The following MEP1B variants were observed in gnomAD, a reference collection of about 807,000 sequenced individuals.
The protein encoded by MEP1B is N-benzoyl-L-tyrosyl-P-amino-benzoic acid hydrolase subunit beta.
In MEP1B, 80 loss-of-function variants were observed where a neutral mutation model predicts 84.6. The ratio of observed to expected loss-of-function variants is 0.95; its 90% CI spans 0.79 to 1.14. The LOEUF (loss-of-function observed/expected upper bound fraction) is 1.14. Ranked by LOEUF, MEP1B falls within the 50% of genes most tolerant of loss-of-function variation. The probability of loss-of-function intolerance (pLI) is 0.00; values close to 1 mark genes in which losing one functional copy is unlikely to be tolerated. For missense variants in MEP1B, 766 were observed against 855.1 expected (o/e 0.90, Z 1.30); for synonymous variants, 273 against 288.1 (o/e 0.95, Z 0.53).
At position 32,202,948 on chromosome 18, in the gene MEP1B, A is replaced by G. The variant is rs757998289; in HGVS notation, c.306A>G (p.Thr102=). The change falls in exon 6 of 15, where the codon ACA becomes ACG. Residue 102 remains threonine, a synonymous_variant. Coordinates refer to ENST00000269202, the MANE Select transcript of MEP1B (RefSeq NM_005925.3). ...LNAFERYRLK[T]CIDFKPWAGE... The stretch of plus-strand genomic sequence containing the variant: ...CATTTGAACGTTATCGCCTTAAAAC[A>G]TGTATTGACTTTAAGCCTTGGGCTG... 2.6e-5 allele frequency: 42 copies of G among 1,613,024 alleles called. No individual in the cohort carries two copies. Among genetic ancestry groups the G allele is most frequent in the Non-Finnish European group, 1.7e-6 (2 of 1,179,572 alleles).
chr18:32,215,990 ATATATATATATATATATATATATATAT>A, intron 12 of MEP1B, among the ~76,000 whole-genome samples: 1 of 12,806 alleles, frequency 7.8e-5, no homozygotes, highest in East Asian at 8.1e-3. Context: ...ATATATATAT[ATATATATATATATATATATATATATAT>A]ATCTTGACAG....
Position 32,213,570 on chromosome 18 carries a change from C to G in MEP1B, c.1579+11C>G, listed in dbSNP as rs763181685. 3.8e-6 allele frequency: 6 copies of G among 1,579,050 alleles called. No individual in the cohort carries two copies. In the East Asian group the frequency reaches 1.3e-4, roughly 35 times the overall value. ...CATTTATGACCACCGGTTCGTAACT[C>G]ATTTTCTTTATTGCTAATAAACAAT... On this transcript the variant is annotated intron_variant, in intron 11 of 14. Transcript: ENST00000269202.
In MEP1B at chr18:32,213,165, C is replaced by G. The variant is rs756443280; in HGVS notation, c.1185C>G (p.Thr395=). The G allele has an allele frequency of 3.1e-6, 5 of 1,613,730 alleles. No homozygotes were observed. The highest frequency in any genetic ancestry group is 1.7e-5 in the Admixed American group (1 of 59,996). The change falls in exon 11 of 15, where the codon ACC becomes ACG. Residue 395 remains threonine (T), a synonymous_variant. Coordinates refer to ENST00000269202, the MANE Select transcript of MEP1B (RefSeq NM_005925.3). ...WQLYHVTLKV[T]KKFRVVFEGR... is the part of the protein sequence containing the mutation. ...TTTATCATGTAACATTGAAAGTGAC[C>G]AAGAAGTTTAGAGTGGTGTTTGAAG...
chr18:32,202,938 G>A lies in MEP1B; in HGVS notation c.296G>A (p.Arg99His), dbSNP rs1231549986. 14 of 1,612,518 alleles carry A rather than the reference G, an allele frequency of 8.7e-6. No homozygotes were observed. The highest frequency in any genetic ancestry group is 4.0e-5 in the African/African-American group (3 of 74,864). The change falls in exon 6 of 15, where the codon CGC (arginine) becomes CAC (histidine). Residue 99 changes from arginine (R) to histidine (H), a missense_variant. Arg to His is a conservative substitution (Grantham distance 29, BLOSUM62 0). Transcript: ENST00000269202. Reference sequence around the variant, plus strand: ...ATCCTCAATGCATTTGAACGTTATCGCCTTAAAACATGTATTGACTTTAAG... The same window carrying A: ...ATCCTCAATGCATTTGAACGTTATCACCTTAAAACATGTATTGACTTTAAG... ...GVILNAFERY[R>H]LKTCIDFKPW... is the part of the protein sequence containing the mutation.
chr18:32,219,825 C>A (rs779969511), intron 14 of MEP1B, among the ~76,000 whole-genome samples: 1 of 152,038 alleles, frequency 6.6e-6, no homozygotes, highest in East Asian at 1.9e-4. Flanking sequence ...CACACACACA[C>A]ACACACTCCA....
At position 32,217,038 on chromosome 18, in the gene MEP1B, A is replaced by G; in HGVS notation, c.1807A>G (p.Ser603Gly). 3 of 1,613,764 alleles carry G rather than the reference A, an allele frequency of 1.9e-6. No homozygotes were observed. The highest frequency in any genetic ancestry group is 2.5e-6 in the Non-Finnish European group (3 of 1,179,680). The change falls in exon 13 of 15, where the codon AGT (serine) becomes GGT (glycine). Residue 603 changes from serine to glycine, a missense_variant. Physicochemically the swap from Ser to Gly is moderately conservative, Grantham distance 56. Transcript: ENST00000269202. ...ACAAATCCAGCTAACACCAGCCCCT[A>G]GTGTTCAAGACCTCTGCTCAAAAAC... ...STQIQLTPAP[S>G]VQDLCSKTTC...
chr18:32,213,947 G>C (rs371866520), intron 11 of MEP1B, among the ~76,000 whole-genome samples: 20 of 152,264 alleles, frequency 1.3e-4, no homozygotes, highest in African/African-American at 4.3e-4. Flanking sequence ...GTAAAGCCAG[G>C]GCTGTAGTAA....
chr18:32,198,534 G>GTGGCCTC (rs1370122741), intron 5 of MEP1B, among the ~76,000 whole-genome samples: 1 of 152,210 alleles, frequency 6.6e-6, no homozygotes, highest in Non-Finnish European at 1.5e-5. Flanking sequence ...GTGGGCTAGT[G>GTGGCCTC]TGGCCTCTGA....
intron 7 of MEP1B, among the ~76,000 whole-genome samples, chr18:32,206,131 G>C (rs9945892): frequency 0.13 from 19,138 of 151,790 alleles, 1,943 homozygotes; most frequent in African/African-American, 0.28. Context: ...ATAGGCGCCC[G>C]CCACCACACC....
At chr18:32,209,972 C>G (rs1379698590) in intron 9 of MEP1B, among the ~76,000 whole-genome samples, 2 of 152,140 alleles carry the variant, frequency 1.3e-5, no homozygotes, top group African/African-American at 4.8e-5. Flanking sequence ...ACCCAAGTTT[C>G]AAACCCTCGT....
chr18:32,195,789 G>T lies in MEP1B; in HGVS notation c.250+304G>T, dbSNP rs897568931. On this transcript the variant is annotated intron_variant, in intron 5 of 14. Coordinates refer to ENST00000269202, the MANE Select transcript of MEP1B (RefSeq NM_005925.3). Reference sequence around the variant, plus strand: ...GATTAGGGAGCCAGTCTTTTTTTGTGGGGGAGGGGCTCTGCATCATATATT... The same window carrying T: ...GATTAGGGAGCCAGTCTTTTTTTGTTGGGGAGGGGCTCTGCATCATATATT... 5.3e-5 allele frequency among the ~76,000 whole-genome samples: 8 copies of T among 152,054 alleles called. No homozygotes were observed. In the South Asian group the frequency reaches 8.3e-4, roughly 16 times the overall value.
intron 10 of MEP1B, among the ~76,000 whole-genome samples, chr18:32,212,043 A>G (rs1004958221): frequency 6.8e-6 from 1 of 147,994 alleles, no homozygotes; most frequent in Non-Finnish European, 1.5e-5. Context: ...ATTATATATA[A>G]TATATTATAT....
At chr18:32,216,433 G>T (rs963350912) in intron 12 of MEP1B, among the ~76,000 whole-genome samples, 4 of 152,234 alleles carry the variant, frequency 2.6e-5, no homozygotes, top group African/African-American at 9.6e-5. Context: ...GGCACTTGGT[G>T]TCTTGCTCCA....
rs778817782 is a variant in MEP1B at position 32,213,526 on chromosome 18, C to T, written c.1546C>T (p.Arg516Trp). 8.1e-6 allele frequency: 13 copies of T among 1,613,702 alleles called. No homozygotes were observed. Among genetic ancestry groups the T allele is most frequent in the African/African-American group, 1.3e-5 (1 of 75,036 alleles). ...CATTCGACAGCGTATGTCCAATCAGCGGAGTATAACTACAGACCCATTTAT... is the reference window on the plus strand; with the variant it reads ...CATTCGACAGCGTATGTCCAATCAGTGGAGTATAACTACAGACCCATTTAT... ...PDIRQRMSNQ[R>W]SITTDPFMTT... The change falls in exon 11 of 15, where the codon CGG becomes TGG. Residue 516 changes from arginine to tryptophan, a missense_variant. Transcript: ENST00000269202.
rs934511103 is a variant in MEP1B at position 32,196,886 on chromosome 18, G to A, written c.250+1401G>A. 2 of 463,880 alleles carry A rather than the reference G, an allele frequency of 4.3e-6. No homozygotes were observed. Among genetic ancestry groups the A allele is most frequent in the South Asian group, 4.2e-5 (2 of 47,278 alleles). The allele number at this position is 463,880 out of a possible 1,614,324, so 28.7% of individuals were successfully genotyped here. A position where few individuals can be genotyped will look rare whatever the true frequency, so the allele number is the denominator to read the frequency against. Reference sequence around the variant, plus strand: ...TGATGTAGTGGAGGCGGGCAAGGAGGCGCAGGCAGGCTCAGATCTCCACGT... The same window carrying A: ...TGATGTAGTGGAGGCGGGCAAGGAGACGCAGGCAGGCTCAGATCTCCACGT... On this transcript the variant is annotated intron_variant, in intron 5 of 14. Transcript: ENST00000269202. The surrounding 1 kb of genome is among the most constrained non-coding windows in gnomAD (Gnocchi z 4.4).
intron 5 of MEP1B, among the ~76,000 whole-genome samples, chr18:32,197,545 G>A (rs151322914): frequency 0.044 from 6,650 of 151,662 alleles, 446 homozygotes; most frequent in African/African-American, 0.15. Context: ...TCAGCTTCCC[G>A]AGTAGCTGAG....
At chr18:32,193,013 A>C (rs2289543) in intron 4 of MEP1B, among the ~76,000 whole-genome samples, 196 bp downstream of exon 4, 35,612 of 151,918 alleles carry the variant, frequency 0.23, 4,326 homozygotes, top group South Asian at 0.29. Context: ...ATCTTTCATT[A>C]CTCATATTTC....
intron 5 of MEP1B, among the ~76,000 whole-genome samples, chr18:32,201,299 TACACACACACACAC>T (rs58057830): frequency 2.1e-5 from 3 of 144,230 alleles, no homozygotes; most frequent in Admixed American, 7.0e-5. Flanking sequence ...CATATGTAGA[TACACACACACACAC>T]ACACACACAC....
rs932315570 is a variant in MEP1B at position 32,196,228 on chromosome 18, A to T, written c.250+743A>T. 2 of 692,096 alleles carry T rather than the reference A, an allele frequency of 2.9e-6. No individual in the cohort carries two copies. 42.9% of individuals were successfully genotyped at this position (692,096 alleles called of 1,614,324 possible). The stretch of plus-strand genomic sequence containing the variant: ...TTTTTGGCTGAGAGGAATGAAGAGG[A>T]TGCCATTGATGCCTTTGAACTGCTC... On this transcript the variant is annotated intron_variant, in intron 5 of 14. Coordinates refer to ENST00000269202, the MANE Select transcript of MEP1B (RefSeq NM_005925.3). This position sits in a 1 kb window ranked among gnomAD's most constrained non-coding sequence, Gnocchi z 4.4.
Sources: gnomAD v4.1 joint callset for allele counts (sites outside exome capture counted in the v4.1 genomes callset) on GRCh38, gnomAD v4.1.1 for gene constraint, Gnocchi (gnomAD v3.1) non-coding constraint, MANE v1.5 for transcripts, NCBI Gene and HGNC (gene_info 2026-07-23, HGNC 2026-07-21) for gene names.